Variants in PPP2R5C observed in about 807,000 individuals in gnomAD.
PPP2R5C encodes protein phosphatase 2 regulatory subunit B'gamma, also known as serine/threonine-protein phosphatase 2A 56 kDa regulatory subunit gamma isoform.
Under a neutral mutation model 68.9 loss-of-function variants are expected in PPP2R5C, and 7 were observed. That is an observed-to-expected ratio of 0.10 (90% CI 0.06 to 0.19). PPP2R5C has a LOEUF of 0.19. Ranked by LOEUF, PPP2R5C falls within the 10% of genes least tolerant of loss-of-function variation. The pLI, the probability that PPP2R5C is intolerant of heterozygous loss-of-function variation, is 1.00. For missense variants in PPP2R5C, 348 were observed against 641.3 expected (o/e 0.54, Z 4.94); for synonymous variants, 210 against 222.2 (o/e 0.95, Z 0.49).
At chr14:101,761,677 ACGCCGCCGCTGCCGCCGC>A (rs1487285512), upstream of PPP2R5C, 12 of 192,878 alleles carry the variant, frequency 6.2e-5, no homozygotes, top group South Asian at 1.8e-4. Context: ...GGGCGGAGAG[ACGCCGCCGCTGCCGCCGC>A]CGCCGCCGCC....
chr14:101,871,404 C>T (rs1264986127), intron 2 of PPP2R5C, among the ~76,000 whole-genome samples: 1 of 152,000 alleles, frequency 6.6e-6, no homozygotes, highest in Non-Finnish European at 1.5e-5. Flanking sequence ...CCACCACACC[C>T]GGCTAATTTT....
At chr14:101,836,223 A>G (rs1273843156) in intron 1 of PPP2R5C, 3 of 702,712 alleles carry the variant, frequency 4.3e-6, no homozygotes, top group South Asian at 3.0e-5. Context: ...GAAGTCCCTG[A>G]CCTTCAGCTG....
At chr14:101,836,280 G>A (rs914035640) in intron 1 of PPP2R5C, 31 of 702,574 alleles carry the variant, frequency 4.4e-5, no homozygotes, top group African/African-American at 3.5e-4. Flanking sequence ...GGAGAACCCC[G>A]CGGCCCCCAA....
chr14:101,807,861 A>G (rs2039136483), upstream of PPP2R5C, among the ~76,000 whole-genome samples: 1 of 151,436 alleles, frequency 6.6e-6, no homozygotes. Context: ...TATATTATAT[A>G]TAAAGCTCTT....
At chr14:101,914,817 T>C (rs1256112869) in intron 12 of PPP2R5C, among the ~76,000 whole-genome samples, 1 of 152,232 alleles carries the variant, frequency 6.6e-6, no homozygotes, top group Non-Finnish European at 1.5e-5. Flanking sequence ...TAAATGTGTT[T>C]CTCCTAATCC....
chr14:101,839,177 C>T (rs1368329128), intron 1 of PPP2R5C: 3 of 151,708 alleles, frequency 2.0e-5, no homozygotes, highest in African/African-American at 7.3e-5. Flanking sequence ...ATGGTGAAAT[C>T]CCATTTCTGC....
At chr14:101,911,444 G>A (rs1298178688) in intron 11 of PPP2R5C, among the ~76,000 whole-genome samples, 2 of 152,222 alleles carry the variant, frequency 1.3e-5, no homozygotes, top group Non-Finnish European at 2.9e-5. Flanking sequence ...TGCATGGTCT[G>A]TTCTCATCTC....
At chr14:101,790,875 T>C (rs2038328159) in intron 3 of PPP2R5C, among the ~76,000 whole-genome samples, 1 of 152,176 alleles carries the variant, frequency 6.6e-6, no homozygotes, top group Middle Eastern at 3.4e-3. Context: ...GGTCAGGAGA[T>C]CAAGGCCATC....
At chr14:101,829,609 G>A (rs74771753) in intron 1 of PPP2R5C, among the ~76,000 whole-genome samples, 1,534 of 152,300 alleles carry the variant, frequency 0.01, 32 homozygotes, top group African/African-American at 0.035. Context: ...TATTCCATAA[G>A]GCTGGATATT....
At position 101,835,714 on chromosome 14, in the gene PPP2R5C, G is replaced by C. The variant is rs1566886949; in HGVS notation, c.95-20972G>C. 6.6e-6 allele frequency among the ~76,000 whole-genome samples: 1 copy of C among 152,262 alleles called. No homozygotes were observed. Among genetic ancestry groups the C allele is most frequent in the Non-Finnish European group, 1.5e-5 (1 of 68,048 alleles). On this transcript the variant is annotated intron_variant, in intron 1 of 13. Coordinates refer to ENST00000334743, the Ensembl canonical transcript of PPP2R5C. The surrounding 1 kb of genome is among the most constrained non-coding windows in gnomAD (Gnocchi z 5.0). ...GGTGAGACCACTCTTCTCCCTGTAA[G>C]GGACCAGTAGCATGTGTGGGACCAC... is the stretch of plus-strand genomic sequence containing the variant.
At chr14:101,840,483 A>G (rs1370669708) in intron 1 of PPP2R5C, among the ~76,000 whole-genome samples, 2 of 61,224 alleles carry the variant, frequency 3.3e-5, no homozygotes, top group African/African-American at 1.3e-4. Context: ...CCCCACCACC[A>G]AAAAAAAAAA....
intron 13 of PPP2R5C, among the ~76,000 whole-genome samples, chr14:101,919,346 A>G (rs191877246): frequency 4.6e-5 from 7 of 152,380 alleles, no homozygotes; most frequent in Non-Finnish European, 7.3e-5. Flanking sequence ...CTAATTTTCT[A>G]TCTAATCCAG....
upstream of PPP2R5C, among the ~76,000 whole-genome samples, chr14:101,806,067 T>C (rs2039061629): frequency 6.6e-6 from 1 of 152,200 alleles, no homozygotes; most frequent in Non-Finnish European, 1.5e-5. Context: ...TGTTGATGTA[T>C]ATTTTAGCAC....
At chr14:101,860,286 T>TCCAC (rs1566914712) in intron 2 of PPP2R5C, among the ~76,000 whole-genome samples, 1 of 152,164 alleles carries the variant, frequency 6.6e-6, no homozygotes, top group East Asian at 1.9e-4. Flanking sequence ...TTCATGTAAG[T>TCCAC]GGAATTACAG....
At chr14:101,777,740 A>G (rs549581364) in intron 2 of PPP2R5C, among the ~76,000 whole-genome samples, 93 of 152,260 alleles carry the variant, frequency 6.1e-4, no homozygotes, top group African/African-American at 2.1e-3. Context: ...CCAGCAATAT[A>G]CAAGGGTTCC....
chr14:101,862,891 C>G (rs1746585), intron 2 of PPP2R5C, among the ~76,000 whole-genome samples: 20,909 of 146,976 alleles, frequency 0.14, 2,518 homozygotes, highest in African/African-American at 0.33. Flanking sequence ...ATGGTCATTA[C>G]TCACTGCAGA....
intron 1 of PPP2R5C, among the ~76,000 whole-genome samples, chr14:101,827,258 G>A (rs1419782111): frequency 3.3e-5 from 5 of 152,136 alleles, no homozygotes; most frequent in Admixed American, 3.3e-4. Context: ...TTACAGGCTT[G>A]AGCCACTACA....
intron 1 of PPP2R5C, among the ~76,000 whole-genome samples, chr14:101,817,849 G>A (rs143854389): frequency 1.6e-4 from 25 of 152,270 alleles, no homozygotes; most frequent in African/African-American, 5.1e-4. Context: ...TTAAAATGGC[G>A]CCTGGAGTGT....
Position 101,781,878 on chromosome 14 carries a change from CGGAGCGGCACCCA to C in PPP2R5C, c.94-4134_94-4122del, listed in dbSNP as rs1006443393. 5.3e-5 allele frequency among the ~76,000 whole-genome samples: 8 copies of C among 151,836 alleles called. No individual in the cohort carries two copies. Among genetic ancestry groups the C allele is most frequent in the Non-Finnish European group, 1.2e-4 (8 of 67,884 alleles). On this transcript the variant is annotated intron_variant, in intron 2 of 14. Coordinates refer to the PPP2R5C transcript ENST00000328724. This position sits in a 1 kb window ranked among gnomAD's most constrained non-coding sequence, Gnocchi z 6.4. ...TGGCCGTGGCCGTGGCCAGGTGTAC[CGGAGCGGCACCCA>C]GGAGCCCGCCCTAGCACCCGCTCCC...
Sources: allele counts gnomAD v4.1 joint callset (sites outside exome capture counted in the v4.1 genomes callset), GRCh38; gene constraint gnomAD v4.1.1; non-coding constraint Gnocchi (gnomAD v3.1); transcripts MANE v1.5; gene names NCBI Gene and HGNC (gene_info 2026-07-23, HGNC 2026-07-21).